SNTG1: variants seen among roughly 807,000 people sequenced by gnomAD.
SNTG1 encodes gamma-1-syntrophin.
A neutral mutation model predicts 74.7 loss-of-function variants in SNTG1; 39 were observed. The ratio of observed to expected loss-of-function variants is 0.52; its 90% CI spans 0.40 to 0.68. SNTG1 has a LOEUF of 0.68. Ranked by LOEUF, SNTG1 falls within the 30% of genes least tolerant of loss-of-function variation. The pLI, the probability that SNTG1 is intolerant of heterozygous loss-of-function variation, is 0.00. For synonymous variants in SNTG1, 254 were observed against 217.1 expected, an observed-to-expected ratio of 1.17 and a Z score of -1.49; for missense variants, 685 against 609.5, an observed-to-expected ratio of 1.12 and a Z score of -1.30.
At chr8:50,239,821 C>A (rs548312175) in intron 2 of SNTG1, among the ~76,000 whole-genome samples, 3 of 152,272 alleles carry the variant, frequency 2.0e-5, no homozygotes, top group African/African-American at 7.2e-5. Flanking sequence ...TTTCAGGGAT[C>A]AGGGGAGAGT....
At chr8:49,940,505 A>T (rs1322935351) in intron 1 of SNTG1, among the ~76,000 whole-genome samples, 5 of 152,202 alleles carry the variant, frequency 3.3e-5, no homozygotes, top group South Asian at 2.1e-4. Context: ...ATGTAAAAAA[A>T]TCCTTTATTT....
chr8:50,439,316 G>A (rs968519821), intron 5 of SNTG1, among the ~76,000 whole-genome samples: 3 of 152,044 alleles, frequency 2.0e-5, no homozygotes, highest in Non-Finnish European at 4.4e-5. Context: ...GATAAATGAA[G>A]TTTAACTTTA....
chr8:50,325,759 C>G (rs1385715665), intron 2 of SNTG1, among the ~76,000 whole-genome samples: 1 of 152,022 alleles, frequency 6.6e-6, no homozygotes, highest in Admixed American at 6.5e-5. Context: ...TTAGCTAGGA[C>G]TTCCTGTATG....
intron 2 of SNTG1, among the ~76,000 whole-genome samples, chr8:50,393,076 C>G (rs1350163252): frequency 6.6e-6 from 1 of 151,900 alleles, no homozygotes; most frequent in African/African-American, 2.4e-5. Context: ...TGTTTAAGAG[C>G]AATTTTGAAA....
intron 2 of SNTG1, among the ~76,000 whole-genome samples, chr8:50,237,358 T>C (rs2085960603): frequency 6.6e-6 from 1 of 152,224 alleles, no homozygotes; most frequent in Admixed American, 6.5e-5. Flanking sequence ...TTATTGGTGA[T>C]GTCATGTACA....
intron 2 of SNTG1, among the ~76,000 whole-genome samples, chr8:50,189,761 C>T (rs1283216598): frequency 3.3e-5 from 5 of 152,086 alleles, no homozygotes; most frequent in Non-Finnish European, 5.9e-5. Flanking sequence ...AAGAGATAAA[C>T]ATTTTAGTAT....
Position 49,972,701 on chromosome 8 carries a change from G to A in SNTG1, c.-103+60470G>A, listed in dbSNP as rs528511695. Among the ~76,000 whole-genome samples, 235 of 152,104 alleles carry A rather than the reference G, an allele frequency of 1.5e-3. 3 individuals carry two copies. Among genetic ancestry groups the A allele is most frequent in the African/African-American group, 5.4e-3 (226 of 41,502 alleles). On this transcript the variant is annotated intron_variant, in intron 1 of 18. Transcript: ENST00000642720. ...AAAACAACCCCATCAACAAGTGGGTGAAGGGTATGAACAGACACTTCTCAA... is the reference window on the plus strand; with the variant it reads ...AAAACAACCCCATCAACAAGTGGGTAAAGGGTATGAACAGACACTTCTCAA...
intron 4 of SNTG1, among the ~76,000 whole-genome samples, chr8:50,426,905 G>A (rs889896412): frequency 1.3e-5 from 2 of 152,056 alleles, no homozygotes; most frequent in Non-Finnish European, 2.9e-5. Flanking sequence ...TGGTATAACA[G>A]CTTTTTAATA....
intron 4 of SNTG1, among the ~76,000 whole-genome samples, chr8:50,423,975 T>C (rs1374537217): frequency 6.6e-6 from 1 of 152,136 alleles, no homozygotes; most frequent in Non-Finnish European, 1.5e-5. Context: ...ATGGGGATGA[T>C]CTAAAGATGG....
intron 1 of SNTG1, among the ~76,000 whole-genome samples, chr8:50,148,604 A>G (rs1034804687): frequency 6.6e-6 from 1 of 151,980 alleles, no homozygotes; most frequent in Non-Finnish European, 1.5e-5. Flanking sequence ...CCTGTGTCCA[A>G]GTGTTCTCAT....
chr8:50,290,305 A>G (rs1204562182), intron 2 of SNTG1, among the ~76,000 whole-genome samples: 1 of 152,202 alleles, frequency 6.6e-6, no homozygotes, highest in Non-Finnish European at 1.5e-5. Flanking sequence ...GATACTCAAT[A>G]CAACTCTATA....
At chr8:50,664,888 T>C (rs952015400) in intron 15 of SNTG1, among the ~76,000 whole-genome samples, 6 of 152,174 alleles carry the variant, frequency 3.9e-5, no homozygotes, top group African/African-American at 1.2e-4. Flanking sequence ...ATCATTTGTA[T>C]AAAAATGTAC....
chr8:50,479,446 A>T (rs2093722478), intron 8 of SNTG1, among the ~76,000 whole-genome samples: 1 of 151,678 alleles, frequency 6.6e-6, no homozygotes. Flanking sequence ...TTTGAAATTA[A>T]TTTTCTTAGT....
At chr8:50,128,922 A>G (rs1263315772) in intron 1 of SNTG1, among the ~76,000 whole-genome samples, 7 of 152,112 alleles carry the variant, frequency 4.6e-5, no homozygotes, top group Admixed American at 6.6e-5. Flanking sequence ...TTTGGGCTAT[A>G]CATTCATGGC....
chr8:50,194,520 G>A (rs2083693418), intron 2 of SNTG1, among the ~76,000 whole-genome samples: 2 of 151,946 alleles, frequency 1.3e-5, no homozygotes, highest in Non-Finnish European at 2.9e-5. Context: ...AATATCTCCT[G>A]TTTCATTTCT....
chr8:50,325,647 C>T (rs546293464), intron 2 of SNTG1, among the ~76,000 whole-genome samples: 2 of 152,150 alleles, frequency 1.3e-5, no homozygotes, highest in Non-Finnish European at 2.9e-5. Context: ...CACTATCAAG[C>T]TTGCAAACAA....
chr8:50,612,328 G>A (rs75898617), intron 13 of SNTG1, among the ~76,000 whole-genome samples: 5,651 of 152,040 alleles, frequency 0.037, 176 homozygotes, highest in African/African-American at 0.075. Flanking sequence ...AATGTCTTTA[G>A]ATCTAGTAGA....
At chr8:50,404,257 A>G (rs1339998186) in intron 4 of SNTG1, among the ~76,000 whole-genome samples, 1 of 152,146 alleles carries the variant, frequency 6.6e-6, no homozygotes, top group Non-Finnish European at 1.5e-5. Context: ...TACAAAAACT[A>G]TGTTGAAGGA....
At chr8:50,721,743 A>G (rs749714500) in intron 17 of SNTG1, among the ~76,000 whole-genome samples, 8 of 152,190 alleles carry the variant, frequency 5.3e-5, no homozygotes, top group Non-Finnish European at 8.8e-5. Context: ...GTGAACGTGT[A>G]TGGTGCTTCC....
Sources: allele counts gnomAD v4.1 joint callset (sites outside exome capture counted in the v4.1 genomes callset), GRCh38; gene constraint gnomAD v4.1.1; transcripts MANE v1.5; gene names NCBI Gene and HGNC (gene_info 2026-07-23, HGNC 2026-07-21).